The following TENM3 variants were observed in gnomAD, a reference collection of about 807,000 sequenced individuals.
TENM3 encodes teneurin-3.
Under a neutral mutation model 255.1 loss-of-function variants are expected in TENM3, and 63 were observed. The observed-to-expected ratio is 0.25, with a 90% CI of 0.20 to 0.30. TENM3 has a LOEUF of 0.30. Ranked by LOEUF, TENM3 falls within the 10% of genes least tolerant of loss-of-function variation. The probability of loss-of-function intolerance (pLI) is 1.00; values close to 1 mark genes in which losing one functional copy is unlikely to be tolerated. For synonymous variants in TENM3, 1,306 were observed against 1,322.3 expected, an observed-to-expected ratio of 0.99 and a Z score of 0.27; for missense variants, 2,929 against 3,461.1, an observed-to-expected ratio of 0.85 and a Z score of 3.86.
intron 3 of TENM3, among the ~76,000 whole-genome samples, chr4:182,455,488 C>T (rs1463158639): frequency 2.0e-5 from 3 of 149,982 alleles, no homozygotes; most frequent in East Asian, 2.0e-4. Context: ...TTTCGCTGGT[C>T]GGTGCTGCCT....
chr4:182,616,686 T>G (rs1271718071), intron 4 of TENM3, among the ~76,000 whole-genome samples: 1 of 152,016 alleles, frequency 6.6e-6, no homozygotes, highest in Non-Finnish European at 1.5e-5. Flanking sequence ...CTGCAGTCTT[T>G]CAGTTCAGGA....
At chr4:181,835,700 G>T in the TENM3 span, among the ~76,000 whole-genome samples, 1 of 152,164 alleles carries the variant, frequency 6.6e-6, no homozygotes, top group Non-Finnish European at 1.5e-5. Flanking sequence ...AACGTGATGA[G>T]GCTTGCATGT....
At chr4:181,979,706 C>T in the TENM3 span, among the ~76,000 whole-genome samples, 4 of 152,086 alleles carry the variant, frequency 2.6e-5, no homozygotes, top group East Asian at 3.9e-4. Context: ...GTGCAAACAC[C>T]GTCACAACCT....
the TENM3 span, among the ~76,000 whole-genome samples, chr4:181,966,509 A>G: frequency 1.3e-5 from 2 of 152,174 alleles, no homozygotes; most frequent in Non-Finnish European, 1.5e-5. Context: ...TGAAAAATCC[A>G]TTCAAGATTT....
the TENM3 span, among the ~76,000 whole-genome samples, chr4:181,862,560 C>G: frequency 6.6e-6 from 1 of 152,040 alleles, no homozygotes; most frequent in Non-Finnish European, 1.5e-5. Flanking sequence ...GAGCCAACTG[C>G]TATGAGAAGC....
the TENM3 span, among the ~76,000 whole-genome samples, chr4:182,137,606 T>C: frequency 6.6e-6 from 1 of 152,188 alleles, no homozygotes; most frequent in Non-Finnish European, 1.5e-5. Flanking sequence ...CGGAGCAGTA[T>C]TCAGTTCCCT....
At chr4:182,701,659 A>C (rs571490441) in intron 12 of TENM3, among the ~76,000 whole-genome samples, 1 of 152,188 alleles carries the variant, frequency 6.6e-6, no homozygotes, top group Non-Finnish European at 1.5e-5. Flanking sequence ...TGGTTATTTC[A>C]CTTACTCTAA....
the TENM3 span, among the ~76,000 whole-genome samples, chr4:182,086,020 A>G: frequency 6.6e-6 from 1 of 152,204 alleles, no homozygotes; most frequent in Non-Finnish European, 1.5e-5. Context: ...TTTTGACGGC[A>G]TAAGAAGTCC....
the TENM3 span, among the ~76,000 whole-genome samples, chr4:181,653,166 A>G: frequency 6.6e-6 from 1 of 152,154 alleles, no homozygotes; most frequent in Admixed American, 6.5e-5. Flanking sequence ...ACCCTGCTGC[A>G]TGGCACATTC....
chr4:182,273,681 C>G (rs1461545200), intron 1 of TENM3, among the ~76,000 whole-genome samples: 2 of 152,134 alleles, frequency 1.3e-5, no homozygotes, highest in African/African-American at 4.8e-5. Context: ...AAAATCAGGA[C>G]AAAAACACTC....
chr4:181,803,020 C>T, the TENM3 span, among the ~76,000 whole-genome samples: 1 of 152,150 alleles, frequency 6.6e-6, no homozygotes, highest in African/African-American at 2.4e-5. Flanking sequence ...AACATTAGAG[C>T]ACAAGGGATT....
At chr4:182,600,716 T>G (rs1465515095) in intron 3 of TENM3, among the ~76,000 whole-genome samples, 1 of 152,042 alleles carries the variant, frequency 6.6e-6, no homozygotes, top group Non-Finnish European at 1.5e-5. Context: ...ATTAGAACTT[T>G]GTGTATCAAG....
the TENM3 span, among the ~76,000 whole-genome samples, chr4:181,981,307 A>G: frequency 6.6e-6 from 1 of 152,208 alleles, no homozygotes; most frequent in African/African-American, 2.4e-5. Flanking sequence ...TAATCCATGC[A>G]TATTTTGACT....
chr4:182,065,035 CTT>C, the TENM3 span, among the ~76,000 whole-genome samples: 323 of 129,968 alleles, frequency 2.5e-3, no homozygotes, highest in Admixed American at 6.3e-3. Context: ...TAATTTCTTT[CTT>C]TTTTTTTTTT....
At chr4:181,698,017 G>A in the TENM3 span, among the ~76,000 whole-genome samples, 16 of 151,752 alleles carry the variant, frequency 1.1e-4, no homozygotes, top group East Asian at 4.0e-4. Context: ...GTTTGAGACC[G>A]GCCTGGCCAC....
At chr4:182,759,143 T>A (rs1389728970) in intron 22 of TENM3, among the ~76,000 whole-genome samples, 6 of 152,228 alleles carry the variant, frequency 3.9e-5, no homozygotes, top group Non-Finnish European at 7.3e-5. Context: ...AACTTGAGTG[T>A]ACCATTAACA....
the TENM3 span, among the ~76,000 whole-genome samples, chr4:181,664,878 C>T: frequency 6.6e-6 from 1 of 152,184 alleles, no homozygotes. Context: ...CCCCATGCTC[C>T]TTGTCAACTC....
intron 1 of TENM3, among the ~76,000 whole-genome samples, chr4:182,256,255 A>G (rs889797437): frequency 5.9e-5 from 9 of 152,228 alleles, no homozygotes; most frequent in Non-Finnish European, 1.5e-5. Context: ...GAATAGATGA[A>G]ATTTGAATCG....
At chr4:182,159,174 G>A (rs1162580762) in intron 1 of TENM3, among the ~76,000 whole-genome samples, 1 of 152,208 alleles carries the variant, frequency 6.6e-6, no homozygotes, top group African/African-American at 2.4e-5. Flanking sequence ...GGTGGAGATG[G>A]GGATGGCAGC....
Sources: gnomAD v4.1 joint callset for allele counts (sites outside exome capture counted in the v4.1 genomes callset) on GRCh38, gnomAD v4.1.1 for gene constraint, MANE v1.5 for transcripts, NCBI Gene and HGNC (gene_info 2026-07-23, HGNC 2026-07-21) for gene names.